The following ADAM12 variants were observed in gnomAD, a reference collection of about 807,000 sequenced individuals.
The protein encoded by ADAM12 is disintegrin and metalloproteinase domain-containing protein 12.
Under a neutral mutation model 106.4 loss-of-function variants are expected in ADAM12, and 70 were observed. That is an observed-to-expected ratio of 0.66 (90% confidence interval 0.54 to 0.80). The LOEUF (loss-of-function observed/expected upper bound fraction) is 0.80, where lower values mean the gene tolerates loss of function less well. ADAM12 is among the 30% of genes least tolerant of loss of function. ADAM12 has a pLI of 0.00. For missense variants in ADAM12, 1,010 were observed against 1,171.9 expected (o/e 0.86, Z 2.02); for synonymous variants, 420 against 433.5 (o/e 0.97, Z 0.39).
Position 126,064,518 on chromosome 10 carries a change from T to C in ADAM12, c.1609+288A>G, listed in dbSNP as rs1954823056. On this transcript the variant is annotated intron_variant, in intron 14 of 22. Transcript: ENST00000448723. The surrounding 1 kb of genome is among the most constrained non-coding windows in gnomAD (Gnocchi z 4.4). ...CCCGGGGCACACAGGTGCTCCTGCA[T>C]CTTCTGTATCCCCCGGGGCGCACAG... 1.3e-5 allele frequency among the ~76,000 whole-genome samples: 2 copies of C among 152,102 alleles called. No homozygotes were observed. Among genetic ancestry groups the C allele is most frequent in the Non-Finnish European group, 2.9e-5 (2 of 67,988 alleles).
intron 8 of ADAM12, among the ~76,000 whole-genome samples, chr10:126,102,289 C>A (rs1955683522): frequency 6.6e-6 from 1 of 152,134 alleles, no homozygotes; most frequent in Admixed American, 6.5e-5. Flanking sequence ...GTGTATGAGG[C>A]AGCACACAGG....
intron 16 of ADAM12, among the ~76,000 whole-genome samples, chr10:126,047,247 A>G (rs1954351465): frequency 6.6e-6 from 1 of 152,198 alleles, no homozygotes; most frequent in African/African-American, 2.4e-5. Flanking sequence ...GAACCTTCCT[A>G]TTGAGGAGGT....
chr10:126,361,619 C>G (rs1469659244), intron 1 of ADAM12, among the ~76,000 whole-genome samples: 1 of 152,016 alleles, frequency 6.6e-6, no homozygotes, highest in Admixed American at 6.6e-5. Flanking sequence ...ACAGAGAGCC[C>G]AGAAATGAAC....
At chr10:126,232,951 C>T (rs1958341327) in intron 3 of ADAM12, among the ~76,000 whole-genome samples, 1 of 151,944 alleles carries the variant, frequency 6.6e-6, no homozygotes, top group Non-Finnish European at 1.5e-5. Flanking sequence ...AGGACGGGGG[C>T]AGTAGGGAGA....
chr10:126,036,474 T>G, intron 20 of ADAM12, 149 bp from the exon 21 acceptor site: 1 of 674,730 alleles, frequency 1.5e-6, no homozygotes. Flanking sequence ...AAGAGGGGAA[T>G]TATTTTTGTA....
At position 126,315,514 on chromosome 10, in the gene ADAM12, T is replaced by TA. The variant is rs559122689; in HGVS notation, c.186+14897dup. ...GTCTGGGCAACTGAAGTATGTGGCATAAAAATCAGAATATTAGTTTGATCC... is the reference window on the plus strand; with the variant it reads ...GTCTGGGCAACTGAAGTATGTGGCATAAAAAATCAGAATATTAGTTTGATCC... On this transcript the variant is annotated intron_variant, in intron 2 of 22. Transcript: ENST00000448723. 5.3e-3 allele frequency among the ~76,000 whole-genome samples: 814 copies of TA among 152,300 alleles called. 8 individuals carry two copies. The highest frequency in any genetic ancestry group is 0.018 in the African/African-American group (753 of 41,558).
At chr10:126,038,855 A>G (rs1223489703) in intron 19 of ADAM12, among the ~76,000 whole-genome samples, 1 of 152,052 alleles carries the variant, frequency 6.6e-6, no homozygotes, top group Admixed American at 6.6e-5. Context: ...CCCCCCAAAA[A>G]AGAACCAAGT....
At chr10:126,196,762 G>A (rs781139750) in intron 3 of ADAM12, among the ~76,000 whole-genome samples, 1 of 151,502 alleles carries the variant, frequency 6.6e-6, no homozygotes, top group African/African-American at 2.5e-5. Context: ...TTAGTTGCTG[G>A]TGGGTGAGAT....
At chr10:126,030,898 CTG>C (rs371686724) in intron 21 of ADAM12, among the ~76,000 whole-genome samples, 227 of 152,300 alleles carry the variant, frequency 1.5e-3, no homozygotes, top group African/African-American at 5.0e-3. Flanking sequence ...GAGAATGACA[CTG>C]TGACAACTGA....
rs752355130 is a variant in ADAM12, at chr10:126,086,704, T to TATATAA, written c.1145+7280_1145+7281insTTATAT. ...AAATATATATATATATATATATATA[T>TATATAA]ATAAAATAAAATAGGTATAGTCATG... On this transcript the variant is annotated intron_variant, in intron 11 of 22. Transcript: ENST00000448723. Among the ~76,000 whole-genome samples, 207 of 62,974 alleles carry TATATAA rather than the reference T, an allele frequency of 3.3e-3. 1 individual carries two copies. Among genetic ancestry groups the TATATAA allele is most frequent in the South Asian group, 5.3e-3 (7 of 1,318 alleles). The allele number at this position is 62,974 out of a possible 152,430, so 41.3% of individuals were successfully genotyped here.
At chr10:126,089,697 C>T (rs1955426013) in intron 11 of ADAM12, among the ~76,000 whole-genome samples, 1 of 152,124 alleles carries the variant, frequency 6.6e-6, no homozygotes, top group Admixed American at 6.5e-5. Context: ...CATTTCTACC[C>T]AGCATCACTT....
At chr10:126,382,372 G>A (rs751002047) in intron 1 of ADAM12, among the ~76,000 whole-genome samples, 4 of 152,222 alleles carry the variant, frequency 2.6e-5, no homozygotes, top group Non-Finnish European at 4.4e-5. Flanking sequence ...CCCAGGAATC[G>A]TGAAGGTGGG....
At chr10:126,062,633 G>A (rs1954781939) in intron 14 of ADAM12, among the ~76,000 whole-genome samples, 1 of 152,202 alleles carries the variant, frequency 6.6e-6, no homozygotes, top group Admixed American at 6.5e-5. Context: ...CACACAGCCA[G>A]CTGAGTCACA....
chr10:126,038,355 A>G lies in ADAM12; in HGVS notation c.2241-6T>C. 6.4e-7 allele frequency: 1 copy of G among 1,572,832 alleles called. No individual in the cohort carries two copies. Among genetic ancestry groups the G allele is most frequent in the African/African-American group, 1.4e-5 (1 of 73,810 alleles). On this transcript the variant is annotated splice_polypyrimidine_tract_variant and splice_region_variant and intron_variant, in intron 19 of 22. Transcript: ENST00000448723. ...GCCGGGAAGGGCGCACACACCTGCA[A>G]CAGAATCCCATACCTGCTGACCAAG...
intron 5 of ADAM12, among the ~76,000 whole-genome samples, chr10:126,124,895 CAAA>C (rs376810493): frequency 3.5e-5 from 3 of 85,978 alleles, no homozygotes; most frequent in Non-Finnish European, 2.2e-5. Flanking sequence ...GACACCGTCT[CAAA>C]AAAAAAAAAA....
intron 3 of ADAM12, among the ~76,000 whole-genome samples, chr10:126,241,375 T>C (rs1958520431): frequency 6.6e-6 from 1 of 152,254 alleles, no homozygotes; most frequent in South Asian, 2.1e-4. Flanking sequence ...GTGAATTTTA[T>C]GTTATGTGAA....
intron 5 of ADAM12, among the ~76,000 whole-genome samples, chr10:126,134,488 G>A (rs1401933475): frequency 1.3e-5 from 2 of 152,202 alleles, no homozygotes; most frequent in African/African-American, 2.4e-5. Flanking sequence ...GGACTGGAAC[G>A]GGATGAACGA....
At chr10:126,232,924 T>C (rs1958340808) in intron 3 of ADAM12, among the ~76,000 whole-genome samples, 1 of 151,974 alleles carries the variant, frequency 6.6e-6, no homozygotes, top group African/African-American at 2.4e-5. Context: ...GGGTCACTGA[T>C]GGAGGCAGAG....
intron 3 of ADAM12, among the ~76,000 whole-genome samples, chr10:126,211,945 A>G (rs1957910891): frequency 6.6e-6 from 1 of 152,240 alleles, no homozygotes; most frequent in Non-Finnish European, 1.5e-5. Context: ...TGTCCAAATA[A>G]TATGCTTAGA....
Sources: allele counts gnomAD v4.1 joint callset (sites outside exome capture counted in the v4.1 genomes callset), GRCh38; gene constraint gnomAD v4.1.1; non-coding constraint Gnocchi (gnomAD v3.1); transcripts MANE v1.5; gene names NCBI Gene and HGNC (gene_info 2026-07-23, HGNC 2026-07-21).